The following TBC1D22A variants were observed in gnomAD, a reference collection of about 807,000 sequenced individuals.
The protein encoded by TBC1D22A is TBC1 domain family member 22A.
Under a neutral mutation model 60.2 loss-of-function variants are expected in TBC1D22A, and 38 were observed. That is an observed-to-expected ratio of 0.63 (90% confidence interval 0.49 to 0.83). TBC1D22A has a LOEUF of 0.83. Among genes scored for constraint, TBC1D22A ranks in the 40% least tolerant of loss-of-function variants. TBC1D22A has a pLI of 0.00. For missense variants in TBC1D22A, 628 were observed against 701.0 expected (o/e 0.90, Z 1.18); for synonymous variants, 302 against 281.7 (o/e 1.07, Z -0.72).
intron 11 of TBC1D22A, among the ~76,000 whole-genome samples, chr22:47,065,618 G>T (rs2063731018): frequency 6.6e-6 from 1 of 152,282 alleles, no homozygotes; most frequent in Non-Finnish European, 1.5e-5. Flanking sequence ...TCTCCACGAG[G>T]ACTTAGCAGG....
At chr22:47,115,031 TGGGGC>T (rs914696850) in intron 12 of TBC1D22A, among the ~76,000 whole-genome samples, 12 of 5,402 alleles carry the variant, frequency 2.2e-3, no homozygotes, top group Middle Eastern at 0.045. Flanking sequence ...CAGGGAGTGG[TGGGGC>T]GGGGCGGGGC....
chr22:46,787,669 A>G (rs920629231), intron 1 of TBC1D22A, among the ~76,000 whole-genome samples: 2 of 152,200 alleles, frequency 1.3e-5, no homozygotes, highest in African/African-American at 4.8e-5. Context: ...ATAATACTGT[A>G]TGTTGCCCAG....
chr22:47,155,284 C>T (rs930233380), intron 12 of TBC1D22A, among the ~76,000 whole-genome samples: 29 of 152,198 alleles, frequency 1.9e-4, no homozygotes, highest in Non-Finnish European at 3.2e-4. Flanking sequence ...CCTCGGAAGG[C>T]GGATGTATTG....
intron 10 of TBC1D22A, among the ~76,000 whole-genome samples, chr22:47,011,274 T>C (rs1468101811): frequency 1.3e-5 from 2 of 152,150 alleles, no homozygotes; most frequent in East Asian, 3.9e-4. Flanking sequence ...CAGGGTTTCC[T>C]TGGGAGCCGC....
At chr22:47,056,119 C>T (rs1255681035) in intron 11 of TBC1D22A, among the ~76,000 whole-genome samples, 1 of 152,012 alleles carries the variant, frequency 6.6e-6, no homozygotes, top group Non-Finnish European at 1.5e-5. Flanking sequence ...CAGTCTGGGT[C>T]GGGTAACGGT....
At chr22:47,165,236 G>T (rs1162249944) in intron 12 of TBC1D22A, among the ~76,000 whole-genome samples, 1 of 152,144 alleles carries the variant, frequency 6.6e-6, no homozygotes, top group Non-Finnish European at 1.5e-5. Context: ...ACTCGTGTTT[G>T]CCTGTCTCGC....
chr22:46,779,871 G>A (rs1226627679), intron 1 of TBC1D22A, among the ~76,000 whole-genome samples: 1 of 152,078 alleles, frequency 6.6e-6, no homozygotes, highest in Non-Finnish European at 1.5e-5. Flanking sequence ...AGTGGTGTGG[G>A]TGTCGGGGCG....
At chr22:46,811,479 T>C (rs979763923) in intron 4 of TBC1D22A, among the ~76,000 whole-genome samples, 8 of 152,056 alleles carry the variant, frequency 5.3e-5, no homozygotes, top group African/African-American at 1.7e-4. Context: ...GGGGCAAGCC[T>C]CTCTTAGGGA....
intron 11 of TBC1D22A, among the ~76,000 whole-genome samples, chr22:47,089,021 A>G (rs751205771): frequency 3.9e-5 from 6 of 152,210 alleles, no homozygotes; most frequent in Non-Finnish European, 8.8e-5. Flanking sequence ...AGTGTGAAAC[A>G]TCCCACATGG....
chr22:47,137,571 C>T (rs968273420), intron 12 of TBC1D22A, among the ~76,000 whole-genome samples: 1 of 152,224 alleles, frequency 6.6e-6, no homozygotes, highest in Non-Finnish European at 1.5e-5. Flanking sequence ...ACATTCTGTG[C>T]CCCTTGGAGC....
chr22:47,060,663 C>G (rs577128241), intron 11 of TBC1D22A, among the ~76,000 whole-genome samples: 4 of 152,308 alleles, frequency 2.6e-5, no homozygotes, highest in South Asian at 4.1e-4. Context: ...AACTCCTGAC[C>G]TCAGGTGATC....
At chr22:46,938,156 C>T (rs2071768876) in intron 8 of TBC1D22A, among the ~76,000 whole-genome samples, 1 of 152,222 alleles carries the variant, frequency 6.6e-6, no homozygotes, top group African/African-American at 2.4e-5. Flanking sequence ...CCCAGAGCAA[C>T]TTCCAGTCCT....
chr22:46,766,060 C>T (rs1291836568), intron 1 of TBC1D22A, among the ~76,000 whole-genome samples: 3 of 150,478 alleles, frequency 2.0e-5, no homozygotes, highest in African/African-American at 7.3e-5. Context: ...TGCAGTGGTG[C>T]GATCTCGGCT....
At chr22:46,912,769 G>C (rs1875350791) in intron 8 of TBC1D22A, among the ~76,000 whole-genome samples, 1 of 152,142 alleles carries the variant, frequency 6.6e-6, no homozygotes, top group Non-Finnish European at 1.5e-5. Context: ...GTTGGCCAGG[G>C]TGGTCTCGAA....
chr22:46,782,067 A>C (rs907618662), intron 1 of TBC1D22A, among the ~76,000 whole-genome samples: 17 of 152,114 alleles, frequency 1.1e-4, no homozygotes, highest in African/African-American at 4.1e-4. Flanking sequence ...TCTTCTTATT[A>C]TTATTGAGAT....
intron 4 of TBC1D22A, among the ~76,000 whole-genome samples, chr22:46,816,057 A>G (rs1034831995): frequency 6.6e-6 from 1 of 152,142 alleles, no homozygotes; most frequent in African/African-American, 2.4e-5. Flanking sequence ...TTCTTTAACA[A>G]TCACACTCAC....
intron 8 of TBC1D22A, among the ~76,000 whole-genome samples, chr22:46,965,088 G>A (rs1331951294): frequency 1.3e-5 from 2 of 152,238 alleles, no homozygotes; most frequent in Non-Finnish European, 1.5e-5. Context: ...AAGTCACCTT[G>A]CTGGAGCGGT....
At chr22:47,131,357 G>GA (rs2066672432) in intron 12 of TBC1D22A, among the ~76,000 whole-genome samples, 1 of 152,238 alleles carries the variant, frequency 6.6e-6, no homozygotes, top group South Asian at 2.1e-4. Flanking sequence ...CAGAAATGCA[G>GA]AAATGGTGAA....
chr22:47,107,381 A>G (rs1374638800), intron 11 of TBC1D22A, among the ~76,000 whole-genome samples: 1 of 152,344 alleles, frequency 6.6e-6, no homozygotes, highest in African/African-American at 2.4e-5. Flanking sequence ...TTAAAAACCC[A>G]GTGCTGTGCT....
Sources: gnomAD v4.1 joint callset for allele counts (sites outside exome capture counted in the v4.1 genomes callset) on GRCh38, gnomAD v4.1.1 for gene constraint, MANE v1.5 for transcripts, NCBI Gene and HGNC (gene_info 2026-07-23, HGNC 2026-07-21) for gene names.